The following PCDH11X variants were observed in gnomAD, a reference collection of about 807,000 sequenced individuals.
PCDH11X encodes protocadherin 11 X-linked, also known as protocadherin-11 X-linked.
A neutral mutation model predicts 53.3 loss-of-function variants in PCDH11X; 18 were observed. The observed-to-expected ratio is 0.34, with a 90% confidence interval of 0.23 to 0.50. The LOEUF (loss-of-function observed/expected upper bound fraction) is 0.50. PCDH11X is among the 20% of genes least tolerant of loss of function. The pLI, the probability that PCDH11X is intolerant of heterozygous loss-of-function variation, is 0.98. For synonymous variants in PCDH11X, 279 were observed against 393.3 expected (o/e 0.71, Z 3.44); for missense variants, 570 against 1,032.4 (o/e 0.55, Z 6.14).
intron 4 of PCDH11X, among the ~76,000 whole-genome samples, chrX:91,829,241 T>A (rs1426388926): frequency 9.1e-6 from 1 of 109,384 alleles, no homozygotes; most frequent in East Asian, 2.8e-4. Flanking sequence ...GAATAGTGAC[T>A]AATAGAAGTA....
At chrX:92,147,837 T>TTC (rs1454336016) in intron 6 of PCDH11X, among the ~76,000 whole-genome samples, 2,468 of 95,807 alleles carry the variant, frequency 0.026, 148 homozygotes, top group African/African-American at 0.1. Flanking sequence ...CTTTCTTTCT[T>TTC]TCTTTCTTTC....
At chrX:92,382,998 G>A (rs1297085683) in intron 8 of PCDH11X, among the ~76,000 whole-genome samples, 19 of 110,531 alleles carry the variant, frequency 1.7e-4, no homozygotes, top group Admixed American at 5.8e-4. Flanking sequence ...ATGGCCTTTA[G>A]AGCCAAATGA....
In PCDH11X at chrX:92,618,834, C is replaced by A. The variant is rs774095511; in HGVS notation, c.3938C>A (p.Pro1313His). ...QFYTMSERLH[P>H]SDDSIKVIPL... The stretch of plus-strand genomic sequence containing the variant: ...TACACCATGTCTGAAAGACTTCATC[C>A]CAGTGATGATTCAATTAAAGTCATT... Residue 1313 changes from proline (P) to histidine (H), a missense_variant, in exon 11 of 11, where the codon CCC becomes CAC. Pro to His is a moderately conservative substitution (Grantham distance 77, BLOSUM62 -2). Coordinates refer to ENST00000682573, the MANE Select transcript of PCDH11X (RefSeq NM_032968.5). 7.4e-6 allele frequency: 9 copies of A among 1,211,795 alleles called. No individual in the cohort carries two copies. The highest frequency in any genetic ancestry group is 1.0e-5 in the Non-Finnish European group (9 of 895,415).
At chrX:92,224,082 G>A (rs2066927753) in intron 7 of PCDH11X, among the ~76,000 whole-genome samples, 1 of 111,859 alleles carries the variant, frequency 8.9e-6, no homozygotes. Context: ...TCTGATACAA[G>A]GAGTAAGAAC....
chrX:91,811,402 T>A, intron 4 of PCDH11X, 107 bp downstream of exon 4: 1 of 698,456 alleles, frequency 1.4e-6, no homozygotes, highest in African/African-American at 2.3e-5. Context: ...AAGCTTTCAT[T>A]TTCTTAAAAG....
At chrX:92,519,412 T>C in intron 10 of PCDH11X, among the ~76,000 whole-genome samples, 1 of 108,659 alleles carries the variant, frequency 9.2e-6, no homozygotes, top group Non-Finnish European at 1.9e-5. Context: ...TTTATCTTTT[T>C]ATTTTTACTT....
At position 92,617,330 on chromosome X, in the gene PCDH11X, T is replaced by C. The variant is rs141308986; in HGVS notation, c.3368-934T>C. Among the ~76,000 whole-genome samples, 137 of 111,748 alleles carry C rather than the reference T, an allele frequency of 1.2e-3. 1 individual carries two copies. Among genetic ancestry groups the C allele is most frequent in the African/African-American group, 4.2e-3 (129 of 30,792 alleles). On this transcript the variant is annotated intron_variant, in intron 10 of 10. Transcript: ENST00000682573. ...ATTTTTTCCATCAAGTTCTAAGGAG[T>C]ATTGTAGTCTCCAAGTATGACTGTG...
intron 6 of PCDH11X, among the ~76,000 whole-genome samples, chrX:92,187,473 G>C (rs1388411861): frequency 3.6e-5 from 4 of 111,386 alleles, no homozygotes; most frequent in African/African-American, 9.8e-5. Context: ...GTTAGCATGT[G>C]GACAGTTTTT....
intron 6 of PCDH11X, among the ~76,000 whole-genome samples, chrX:92,067,331 G>A (rs1303533003): frequency 3.6e-5 from 4 of 109,589 alleles, no homozygotes; most frequent in Non-Finnish European, 7.6e-5. Flanking sequence ...GTTGAGATAC[G>A]TTCCTTCTAT....
intron 6 of PCDH11X, among the ~76,000 whole-genome samples, chrX:92,033,445 T>C (rs1602721973): frequency 9.1e-6 from 1 of 109,329 alleles, no homozygotes; most frequent in East Asian, 2.9e-4. Context: ...TTTCAGGTTT[T>C]GGATTTCTGC....
At chrX:92,264,951 G>T (rs933486366) in intron 8 of PCDH11X, among the ~76,000 whole-genome samples, 21 of 98,118 alleles carry the variant, frequency 2.1e-4, no homozygotes, top group Non-Finnish European at 6.1e-5. Flanking sequence ...TCAGAAGAAA[G>T]AATATTGCAA....
At chrX:91,943,274 G>A (rs1321569629) in intron 6 of PCDH11X, among the ~76,000 whole-genome samples, 1 of 105,819 alleles carries the variant, frequency 9.5e-6, no homozygotes, top group African/African-American at 3.4e-5. Context: ...TAATAATGAT[G>A]TGTCAGTGTA....
At chrX:92,282,972 G>T (rs1399138872) in intron 8 of PCDH11X, among the ~76,000 whole-genome samples, 1 of 111,104 alleles carries the variant, frequency 9.0e-6, no homozygotes, top group Admixed American at 9.6e-5. Context: ...TCTATCTATA[G>T]ATCTATTATT....
Position 92,618,869 on chromosome X carries a change from A to T in PCDH11X, c.3973A>T (p.Thr1325Ser). 8.3e-7 allele frequency: 1 copy of T among 1,211,998 alleles called. No homozygotes were observed. Among genetic ancestry groups the T allele is most frequent in the Non-Finnish European group, 1.1e-6 (1 of 895,471 alleles). The change falls in exon 11 of 11, where the codon ACC becomes TCC. Residue 1325 changes from threonine to serine, a missense_variant. By Grantham distance (58) the Thr-to-Ser change is moderately conservative. Coordinates refer to ENST00000682573, the MANE Select transcript of PCDH11X (RefSeq NM_032968.5). ...TTCAATTAAAGTCATTCCTTTGACAACCTTCACTCCACGCCAACAGGCCAG... is the reference window on the plus strand; with the variant it reads ...TTCAATTAAAGTCATTCCTTTGACATCCTTCACTCCACGCCAACAGGCCAG... Reference protein sequence around the residue: ...DDSIKVIPLTTFTPRQQARPS... With the variant: ...DDSIKVIPLTSFTPRQQARPS...
chrX:91,934,483 A>G (rs896755626), intron 6 of PCDH11X, among the ~76,000 whole-genome samples: 3 of 110,772 alleles, frequency 2.7e-5, no homozygotes, highest in African/African-American at 9.8e-5. Context: ...TCTTGGCACA[A>G]CACTCCGCTG....
intron 9 of PCDH11X, among the ~76,000 whole-genome samples, chrX:92,454,444 C>T (rs1428262946): frequency 9.1e-6 from 1 of 110,146 alleles, no homozygotes; most frequent in Non-Finnish European, 1.9e-5. Flanking sequence ...CAGAAATGCT[C>T]TATTTTGGTG....
intron 8 of PCDH11X, among the ~76,000 whole-genome samples, chrX:92,312,358 GA>G (rs899751862): frequency 6.3e-5 from 7 of 110,474 alleles, no homozygotes; most frequent in African/African-American, 2.3e-4. Flanking sequence ...TATGTAGTAT[GA>G]AAAAAATTTA....
At chrX:92,113,761 A>C in intron 6 of PCDH11X, 1 of 1,200,899 alleles carries the variant, frequency 8.3e-7, no homozygotes, top group East Asian at 3.0e-5. Context: ...CTTGACAAGA[A>C]TCCGAATGGG....
At chrX:91,884,010 C>A (rs1328313950) in intron 6 of PCDH11X, 34 of 457,963 alleles carry the variant, frequency 7.4e-5, no homozygotes, top group Non-Finnish European at 9.1e-5. Context: ...GCCAACATGG[C>A]GAAACCCCGT....
Sources: gnomAD v4.1 joint callset for allele counts (sites outside exome capture counted in the v4.1 genomes callset) on GRCh38, gnomAD v4.1.1 for gene constraint, MANE v1.5 for transcripts, NCBI Gene and HGNC (gene_info 2026-07-23, HGNC 2026-07-21) for gene names.